Variants in AEBP2 observed in about 807,000 individuals in gnomAD.
AEBP2 encodes the protein zinc finger protein AEBP2.
A neutral mutation model predicts 50.8 loss-of-function variants in AEBP2; 10 were observed. The ratio of observed to expected loss-of-function variants is 0.20; its 90% CI spans 0.12 to 0.33. The LOEUF is 0.33. Among genes scored for constraint, AEBP2 ranks in the 10% least tolerant of loss-of-function variants. AEBP2 has a pLI of 1.00. For missense variants in AEBP2, 570 were observed against 688.0 expected (o/e 0.83, Z 1.92); for synonymous variants, 296 against 261.3 (o/e 1.13, Z -1.28).
chr12:19,498,465 C>T (rs1415323223), intron 4 of AEBP2, among the ~76,000 whole-genome samples: 1 of 152,040 alleles, frequency 6.6e-6, no homozygotes, highest in African/African-American at 2.4e-5. Flanking sequence ...ATTTGATGTG[C>T]CAACTGGTGA....
At chr12:19,492,597 A>AAAATT (rs1325556597) in intron 3 of AEBP2, among the ~76,000 whole-genome samples, 1 of 151,540 alleles carries the variant, frequency 6.6e-6, no homozygotes. Flanking sequence ...AAAATAAAAT[A>AAAATT]AAAAAAATTT....
chr12:19,474,338 C>T lies in AEBP2; in HGVS notation c.987+983C>T, dbSNP rs560956156. On this transcript the variant is annotated intron_variant, in intron 3 of 7. Transcript: ENST00000266508. Reference sequence around the variant, plus strand: ...ACATTTACTGGAATGAATACTGTGCCAGTTATTTCCCTTGGGTTTTGTAGA... The same window carrying T: ...ACATTTACTGGAATGAATACTGTGCTAGTTATTTCCCTTGGGTTTTGTAGA... Among the ~76,000 whole-genome samples, 16 of 152,212 alleles carry T rather than the reference C, an allele frequency of 1.1e-4. 1 individual carries two copies. In the South Asian group the frequency reaches 3.3e-3, roughly 32 times the overall value.
In AEBP2 at chr12:19,440,861, C is replaced by G. The variant is rs139923920; in HGVS notation, c.671+491C>G. On this transcript the variant is annotated intron_variant, in intron 1 of 7. Transcript: ENST00000266508. The stretch of plus-strand genomic sequence containing the variant: ...GAGAGACCCCAGCTATCACTTTTCT[C>G]TACTTAAACAAAAAAAGGACTGTTC... 1.9e-4 allele frequency: 208 copies of G among 1,122,864 alleles called. No individual in the cohort carries two copies. In the East Asian group the frequency reaches 4.9e-3, roughly 26 times the overall value. 69.6% of individuals were successfully genotyped at this position (1,122,864 alleles called of 1,614,324 possible).
intron 1 of AEBP2, among the ~76,000 whole-genome samples, chr12:19,417,767 C>T (rs965307253): frequency 4.1e-5 from 6 of 147,250 alleles, no homozygotes; most frequent in East Asian, 2.0e-4. Context: ...TGCAGTGGCA[C>T]GATCTCGGCT....
chr12:19,414,618 C>A (rs1249571210), intron 1 of AEBP2, among the ~76,000 whole-genome samples: 1 of 152,162 alleles, frequency 6.6e-6, no homozygotes, highest in South Asian at 2.1e-4. Context: ...AGGCACCTCA[C>A]TCTTCTCACC....
intron 2 of AEBP2, among the ~76,000 whole-genome samples, chr12:19,466,046 T>C (rs1948467387): frequency 6.6e-6 from 1 of 151,936 alleles, no homozygotes; most frequent in Non-Finnish European, 1.5e-5. Context: ...GAGGAGGACT[T>C]GATCATCCTC....
Position 19,488,126 on chromosome 12 carries a change from AT to A in AEBP2, c.988-5659del, listed in dbSNP as rs11385390. Among the ~76,000 whole-genome samples the A allele has an allele frequency of 4.7e-3, 679 of 144,778 alleles. 1 individual carries two copies. Among genetic ancestry groups the A allele is most frequent in the African/African-American group, 0.015 (596 of 39,310 alleles). The allele number at this position is 144,778 out of a possible 152,430, so 95.0% of individuals were successfully genotyped here. ...AGGAACTGAGGCAAGAACAGATTAA[AT>A]TTTTTTTTTTTTTTGAGGCGTAGTT... On this transcript the variant is annotated intron_variant, in intron 3 of 7. Transcript: ENST00000266508.
At position 19,440,319 on chromosome 12, in the gene AEBP2, T is replaced by G; in HGVS notation, c.620T>G (p.Leu207Trp). The G allele has an allele frequency of 2.0e-6, 3 of 1,467,044 alleles. No individual in the cohort carries two copies. The highest frequency in any genetic ancestry group is 2.7e-6 in the Non-Finnish European group (3 of 1,117,434). The allele number at this position is 1,467,044 out of a possible 1,614,324, so 90.9% of individuals were successfully genotyped here. A position where few individuals can be genotyped will look rare whatever the true frequency, so the allele number is the denominator to read the frequency against. ...SATSGGRRGS[L>W]EMSSDGEPLS... ...ACCTCCGGGGGCCGGCGGGGCAGCT[T>G]GGAGATGTCGTCGGATGGGGAACCC... The change falls in exon 1 of 8, where the codon TTG (leucine) becomes TGG (tryptophan). Residue 207 changes from leucine (L) to tryptophan (W), a missense_variant. By Grantham distance (61) the Leu-to-Trp change is moderately conservative. Transcript: ENST00000266508.
At chr12:19,504,666 C>T (rs1949129839) in intron 5 of AEBP2, among the ~76,000 whole-genome samples, 1 of 152,052 alleles carries the variant, frequency 6.6e-6, no homozygotes, top group Admixed American at 6.6e-5. Flanking sequence ...AAGATAGATC[C>T]TGCTTGAGCC....
intron 1 of AEBP2, among the ~76,000 whole-genome samples, chr12:19,455,812 A>G (rs763450686): frequency 6.6e-6 from 1 of 152,186 alleles, no homozygotes; most frequent in Non-Finnish European, 1.5e-5. Context: ...TAAATATTCC[A>G]TTGACATCTC....
At chr12:19,496,766 A>T (rs1948988479) in intron 4 of AEBP2, among the ~76,000 whole-genome samples, 1 of 150,148 alleles carries the variant, frequency 6.7e-6, no homozygotes, top group Admixed American at 6.7e-5. Flanking sequence ...GGCTCAGGTG[A>T]TTCTCCCACC....
chr12:19,507,291 G>A (rs1362252348), intron 5 of AEBP2, among the ~76,000 whole-genome samples: 1 of 152,188 alleles, frequency 6.6e-6, no homozygotes, highest in East Asian at 1.9e-4. Flanking sequence ...GAGAAGTGAT[G>A]TAAAAGGGAA....
intron 1 of AEBP2, among the ~76,000 whole-genome samples, chr12:19,445,261 C>T (rs1182143983): frequency 6.6e-6 from 1 of 151,966 alleles, no homozygotes; most frequent in Admixed American, 6.6e-5. Flanking sequence ...TGCAGTGGTG[C>T]GATCTTGGCT....
At chr12:19,484,538 C>T (rs1272416920) in intron 3 of AEBP2, among the ~76,000 whole-genome samples, 1 of 151,880 alleles carries the variant, frequency 6.6e-6, no homozygotes, top group African/African-American at 2.4e-5. Flanking sequence ...CCACGCCCAG[C>T]TAATTTTTGT....
At chr12:19,461,437 CTTTAT>C (rs912489639) in intron 1 of AEBP2, among the ~76,000 whole-genome samples, 4 of 152,034 alleles carry the variant, frequency 2.6e-5, no homozygotes, top group Admixed American at 6.6e-5. Context: ...CTGTGTAATA[CTTTAT>C]TTTATTTTTT....
At chr12:19,456,542 G>A in intron 1 of AEBP2, 1 of 1,532,080 alleles carries the variant, frequency 6.5e-7, no homozygotes, top group Non-Finnish European at 9.0e-7. Flanking sequence ...TGTGAGCCGT[G>A]TGGCAATCCA....
Position 19,511,116 on chromosome 12 carries a change from C to T in AEBP2, c.1300-1282C>T, listed in dbSNP as rs377154974. Among the ~76,000 whole-genome samples the T allele has an allele frequency of 2.1e-3, 317 of 152,060 alleles. 1 individual carries two copies. Among genetic ancestry groups the T allele is most frequent in the South Asian group, 6.0e-3 (29 of 4,812 alleles). On this transcript the variant is annotated intron_variant, in intron 5 of 7. Transcript: ENST00000266508. The stretch of plus-strand genomic sequence containing the variant: ...CCTCCCAAGGTACTGGTATTGCAGG[C>T]GTGAGCTACTGAGGAAATGACCTTT...
intron 1 of AEBP2, among the ~76,000 whole-genome samples, chr12:19,460,495 A>AGGC (rs1275481535): frequency 6.6e-6 from 1 of 152,058 alleles, no homozygotes; most frequent in Non-Finnish European, 1.5e-5. Flanking sequence ...CTGGGATTAC[A>AGGC]GGCGTGTGCC....
At chr12:19,430,810 T>G (rs1282942777) in intron 1 of AEBP2, among the ~76,000 whole-genome samples, 1 of 152,094 alleles carries the variant, frequency 6.6e-6, no homozygotes, top group Non-Finnish European at 1.5e-5. Context: ...ATGCTTGTGA[T>G]TTTTGCACAT....
Sources: allele counts gnomAD v4.1 joint callset (sites outside exome capture counted in the v4.1 genomes callset), GRCh38; gene constraint gnomAD v4.1.1; transcripts MANE v1.5; gene names NCBI Gene and HGNC (gene_info 2026-07-23, HGNC 2026-07-21).